Variants in SPPL2B observed in about 807,000 individuals in gnomAD.
The protein encoded by SPPL2B is signal peptide peptidase like 2B, also known as signal peptide peptidase-like 2B.
Under a neutral mutation model 59.7 loss-of-function variants are expected in SPPL2B, and 39 were observed. The observed-to-expected ratio is 0.65, with a 90% confidence interval of 0.51 to 0.85. The LOEUF (loss-of-function observed/expected upper bound fraction) is 0.85. Among genes scored for constraint, SPPL2B ranks in the 40% least tolerant of loss-of-function variants. The pLI is 0.00. For synonymous variants in SPPL2B, 419 were observed against 370.8 expected (o/e 1.13, Z -1.49); for missense variants, 865 against 849.0 (o/e 1.02, Z -0.23).
At chr19:2,331,141 C>T (rs1412637192) in intron 1 of SPPL2B, among the ~76,000 whole-genome samples, 3 of 152,166 alleles carry the variant, frequency 2.0e-5, no homozygotes, top group Admixed American at 2.0e-4. Context: ...CGCTCCTCAG[C>T]AGATCTGAGC....
intron 1 of SPPL2B, among the ~76,000 whole-genome samples, chr19:2,331,292 G>T (rs1968280099): frequency 6.6e-6 from 1 of 152,208 alleles, no homozygotes; most frequent in South Asian, 2.1e-4. Context: ...CTTGGAAGCG[G>T]GGTTTCTAAG....
At chr19:2,342,370 G>C (rs1313324771) in intron 8 of SPPL2B, 7 of 152,324 alleles carry the variant, frequency 4.6e-5, no homozygotes, top group African/African-American at 1.4e-4. Context: ...TTAATAAACA[G>C]TTTGGGCACG....
chr19:2,342,976 C>T, intron 8 of SPPL2B: 1 of 552,962 alleles, frequency 1.8e-6, no homozygotes. Flanking sequence ...GGCTCCTCTA[C>T]CTGCTTCCGC....
Position 2,332,183 on chromosome 19 carries a change from A to G in SPPL2B, c.67-2419A>G, listed in dbSNP as rs141623849. 8.4e-3 allele frequency among the ~76,000 whole-genome samples: 1,283 copies of G among 152,306 alleles called. 69 individuals carry two copies. The highest frequency in any genetic ancestry group is 0.071 in the Admixed American group (1,088 of 15,294). On this transcript the variant is annotated intron_variant, in intron 1 of 14. Transcript: ENST00000613503. The surrounding 1 kb of genome is among the most constrained non-coding windows in gnomAD (Gnocchi z 4.6). ...AAGGAAGCAGCATTAGCCAAGAGCT[A>G]TGAGACCCCCAGTCGATTGTGGGGA... is the stretch of plus-strand genomic sequence containing the variant.
chr19:2,342,486 A>T (rs1405260885), intron 8 of SPPL2B: 2 of 152,330 alleles, frequency 1.3e-5, no homozygotes, highest in African/African-American at 4.8e-5. Flanking sequence ...CCCCATCTCT[A>T]CTAAAAATAC....
intron 13 of SPPL2B, among the ~76,000 whole-genome samples, chr19:2,349,876 C>A (rs950874852): frequency 6.7e-6 from 1 of 149,412 alleles, no homozygotes; most frequent in African/African-American, 2.5e-5. Context: ...CGTTCTCTCT[C>A]TCCACACACA....
At chr19:2,333,195 GAC>G (rs1486770185) in intron 1 of SPPL2B, among the ~76,000 whole-genome samples, 2 of 79,070 alleles carry the variant, frequency 2.5e-5, no homozygotes, top group Non-Finnish European at 5.9e-5. Flanking sequence ...GGCTGGACTA[GAC>G]TCTGCTGGGA....
chr19:2,345,473 C>T (rs1969312808), intron 13 of SPPL2B, 143 bp downstream of exon 13: 2 of 719,442 alleles, frequency 2.8e-6, no homozygotes, highest in South Asian at 3.5e-5. Flanking sequence ...AACACCCTAA[C>T]CCTAACCCCC....
At position 2,339,971 on chromosome 19, in the gene SPPL2B, G is replaced by C; in HGVS notation, c.742+5G>C. 1 of 1,552,528 alleles carries C rather than the reference G, an allele frequency of 6.4e-7. No homozygotes were observed. Among genetic ancestry groups the C allele is most frequent in the Non-Finnish European group, 8.7e-7 (1 of 1,147,364 alleles). ...ACTATTTCTACGATCTCCTCGGTGC[G>C]CGGCCCCGGGCGGGTGGGCCGCGGC... On this transcript the variant is annotated splice_donor_5th_base_variant and intron_variant, in intron 6 of 14. Coordinates refer to ENST00000613503, the MANE Select transcript of SPPL2B (RefSeq NM_152988.3).
intron 13 of SPPL2B, among the ~76,000 whole-genome samples, chr19:2,349,947 T>G (rs1969802418): frequency 6.9e-6 from 1 of 143,998 alleles, no homozygotes; most frequent in African/African-American, 2.6e-5. Context: ...ATGCTCTCAT[T>G]TGCTTGATTC....
At position 2,342,963 on chromosome 19, in the gene SPPL2B, G is replaced by T; in HGVS notation, c.957-248G>T. On this transcript the variant is annotated intron_variant, in intron 8 of 14. Transcript: ENST00000613503. ...TGTCCACTGTCCTGGCTGCCGAGTGGTGGGCTCCTCTACCTGCTTCCGCAG... is the reference window on the plus strand; with the variant it reads ...TGTCCACTGTCCTGGCTGCCGAGTGTTGGGCTCCTCTACCTGCTTCCGCAG... 3 of 537,380 alleles carry T rather than the reference G, an allele frequency of 5.6e-6. No homozygotes were observed. In the East Asian group the frequency reaches 9.4e-5, roughly 17 times the overall value. 33.3% of individuals were successfully genotyped at this position (537,380 alleles called of 1,614,324 possible). A position where few individuals can be genotyped will look rare whatever the true frequency, so the allele number is the denominator to read the frequency against.
At chr19:2,347,366 ACT>A (rs1181599834) in intron 13 of SPPL2B, among the ~76,000 whole-genome samples, 1 of 15,968 alleles carries the variant, frequency 6.3e-5, no homozygotes, top group African/African-American at 2.3e-4. Context: ...ACACACACAC[ACT>A]CTCATTCGCC....
intron 12 of SPPL2B, 141 bp from the exon 13 acceptor site, chr19:2,345,112 C>G (rs1280075177): frequency 1.5e-6 from 1 of 645,886 alleles, no homozygotes; most frequent in Non-Finnish European, 2.7e-6. Context: ...AGCGTGTGGC[C>G]TGTCTGTGAA....
intron 2 of SPPL2B, among the ~76,000 whole-genome samples, chr19:2,336,165 T>C (rs1459945980): frequency 6.6e-6 from 1 of 152,208 alleles, no homozygotes; most frequent in Non-Finnish European, 1.5e-5. Context: ...TGAGCATGTG[T>C]GTAATAGGTG....
intron 14 of SPPL2B, among the ~76,000 whole-genome samples, chr19:2,352,054 T>A (rs1969956640): frequency 6.6e-6 from 1 of 152,178 alleles, no homozygotes; most frequent in Admixed American, 6.5e-5. Flanking sequence ...GCCCTGGCTG[T>A]GGAAGCCCTG....
chr19:2,341,692 A>C (rs1430554664), intron 8 of SPPL2B: 1 of 423,746 alleles, frequency 2.4e-6, no homozygotes, highest in Non-Finnish European at 4.9e-6. Context: ...CGGCACGTTT[A>C]ACTGGCAGAA....
Position 2,345,303 on chromosome 19 carries a change from AG to A in SPPL2B, c.1330del (p.Val444TyrfsTer16). The A allele has an allele frequency of 6.2e-7, 1 of 1,613,112 alleles. No individual in the cohort carries two copies. Among genetic ancestry groups the A allele is most frequent in the East Asian group, 2.2e-5 (1 of 44,836 alleles). ...HRFDIQVQSS[R>X]VYFVACTIAY... is the part of the protein sequence containing the mutation. ...GTTTGACATCCAGGTACAGTCCTCCAGGGTATACTTCGTGGCCTGCACCATC... is the reference window on the plus strand; with the variant it reads ...GTTTGACATCCAGGTACAGTCCTCCAGGTATACTTCGTGGCCTGCACCATC... On this transcript the variant is annotated frameshift_variant, in exon 13 of 15. Transcript: ENST00000613503. LOFTEE classifies it high-confidence loss of function.
At chr19:2,344,521 T>G in intron 11 of SPPL2B, 32 bp from the exon 12 acceptor site, 1 of 1,593,144 alleles carries the variant, frequency 6.3e-7, no homozygotes, top group Middle Eastern at 1.7e-4. Context: ...GTGAGGGTCC[T>G]GGAGGACATT....
intron 13 of SPPL2B, among the ~76,000 whole-genome samples, chr19:2,346,393 C>T (rs552287161): frequency 1.5e-4 from 23 of 152,342 alleles, no homozygotes; most frequent in African/African-American, 4.3e-4. Context: ...AGGCCGGGTA[C>T]GGGGGCTCAT....
Sources: allele counts gnomAD v4.1 joint callset (sites outside exome capture counted in the v4.1 genomes callset), GRCh38; gene constraint gnomAD v4.1.1; non-coding constraint Gnocchi (gnomAD v3.1); transcripts MANE v1.5; gene names NCBI Gene and HGNC (gene_info 2026-07-23, HGNC 2026-07-21).